Variants in ANKRA2 observed in about 807,000 individuals in gnomAD.
The protein encoded by ANKRA2 is ankyrin repeat family A member 2.
In ANKRA2, 33 loss-of-function variants were observed where a neutral mutation model predicts 37.8. The ratio of observed to expected loss-of-function variants is 0.87; its 90% CI spans 0.66 to 1.17. The LOEUF (loss-of-function observed/expected upper bound fraction) is 1.17, where lower values mean the gene tolerates loss of function less well. ANKRA2 is among the 50% of genes most tolerant of loss of function. ANKRA2 has a pLI of 0.00. For missense variants in ANKRA2, 326 were observed against 373.7 expected (o/e 0.87, Z 1.05); for synonymous variants, 126 against 132.3 (o/e 0.95, Z 0.33).
At chr5:73,557,433 T>TTA in intron 4 of ANKRA2, 142 bp downstream of exon 4, 1 of 269,094 alleles carries the variant, frequency 3.7e-6, no homozygotes, top group East Asian at 5.6e-5. Context: ...TTTTTTTTTT[T>TTA]ACTATCCATT....
rs1444629515 is a variant in ANKRA2 at position 73,555,157 on chromosome 5, C to T, written c.613-171G>A. 2.8e-6 allele frequency: 4 copies of T among 1,422,332 alleles called. No individual in the cohort carries two copies. In the African/African-American group the frequency reaches 4.3e-5, roughly 15 times the overall value. The allele number at this position is 1,422,332 out of a possible 1,614,324, so 88.1% of individuals were successfully genotyped here. A position where few individuals can be genotyped will look rare whatever the true frequency, so the allele number is the denominator to read the frequency against. ...TGCTTTTATTGAGATTGCCTGGATG[C>T]CTTCCTTCCTCCGTCCTGTATCAAT... On this transcript the variant is annotated intron_variant, in intron 5 of 8. Coordinates refer to ENST00000296785, the MANE Select transcript of ANKRA2 (RefSeq NM_023039.5).
chr5:73,561,383 G>C, intron 2 of ANKRA2, 95 bp from the exon 3 acceptor site: 1 of 1,166,656 alleles, frequency 8.6e-7, no homozygotes, highest in Non-Finnish European at 1.2e-6. Context: ...AGGTGTAATA[G>C]CTTCAATTAA....
In ANKRA2 at chr5:73,562,830, ACT is replaced by A; in HGVS notation, c.50_51del (p.Glu17ValfsTer6). 1 of 1,613,478 alleles carries A rather than the reference ACT, an allele frequency of 6.2e-7. No homozygotes were observed. The highest frequency in any genetic ancestry group is 8.5e-7 in the Non-Finnish European group (1 of 1,179,634). ...CCAGTTAGGCTATAAGTGCTGGGAC[ACT>A]CTTCCACGATAAGCTGGGCTCCAAT... The part of the protein sequence containing the change: ...LDIGAQLIVE[E>X]CPSTYSLTGM... On this transcript the variant is annotated frameshift_variant, in exon 2 of 9. Transcript: ENST00000296785. LOFTEE classifies it high-confidence loss of function.
At chr5:73,563,515 T>C (rs983987446) in intron 1 of ANKRA2, among the ~76,000 whole-genome samples, 7 of 152,238 alleles carry the variant, frequency 4.6e-5, no homozygotes, top group Non-Finnish European at 1.0e-4. Flanking sequence ...TTGTCATCTA[T>C]AACACCTGTG....
In ANKRA2 at chr5:73,552,832, G is replaced by A; in HGVS notation, c.907C>T (p.His303Tyr). The change falls in exon 9 of 9, where the codon CAT (histidine) becomes TAT (tyrosine). Residue 303 changes from histidine (H) to tyrosine (Y), a missense_variant. By Grantham distance (83) the His-to-Tyr change is moderately conservative. Transcript: ENST00000296785. Reference protein sequence around the residue: ...YRSVQQVIESHLLKLLQNIKE With the variant: ...YRSVQQVIESYLLKLLQNIKE ...ATATTTTGAAGCAGCTTCAACAAAT[G>A]TGACTCAATAACCTGTTGAACTAGA... The A allele has an allele frequency of 3.1e-6, 5 of 1,606,910 alleles. No individual in the cohort carries two copies. The highest frequency in any genetic ancestry group is 4.3e-6 in the Non-Finnish European group (5 of 1,174,336).
chr5:73,555,644 T>C, intron 4 of ANKRA2, 59 bp from the exon 5 acceptor site: 2 of 1,446,848 alleles, frequency 1.4e-6, no homozygotes, highest in South Asian at 1.2e-5. Context: ...TTAATATCAC[T>C]ATGAAAAACT....
chr5:73,553,654 T>C lies in ANKRA2; in HGVS notation c.806-168A>G, dbSNP rs137877119. ...GGTACTTAGAATTTACTTTAGTGGA[T>C]TGGAGGGAAGACACTTCAAACAAAC... On this transcript the variant is annotated intron_variant, in intron 7 of 8. Transcript: ENST00000296785. Among the ~76,000 whole-genome samples the C allele has an allele frequency of 7.3e-4, 111 of 152,292 alleles. 1 individual carries two copies. The East Asian group carries it at 0.014, about 19-fold the overall frequency.
chr5:73,553,985 G>C (rs1034627461), intron 7 of ANKRA2, among the ~76,000 whole-genome samples: 1 of 152,100 alleles, frequency 6.6e-6, no homozygotes, highest in South Asian at 2.1e-4. Flanking sequence ...TGGCCAGGCT[G>C]GTTTGAACTC....
At position 73,565,576 on chromosome 5, in the gene ANKRA2, C is replaced by T. The variant is rs867533685; in HGVS notation, c.-549G>A. 3.8e-6 allele frequency: 1 copy of T among 263,098 alleles called. No homozygotes were observed. Among genetic ancestry groups the T allele is most frequent in the Middle Eastern group, 1.3e-3 (1 of 760 alleles). The allele number at this position is 263,098 out of a possible 1,614,324, so 16.3% of individuals were successfully genotyped here. A position where few individuals can be genotyped will look rare whatever the true frequency, so the allele number is the denominator to read the frequency against. ...CCTTTACGCTCCGAGGCCCATCCTG[C>T]CGGAGTACTACACAGACAGGGTCAT... On this transcript the variant is annotated 5_prime_UTR_variant, in exon 1 of 9. Transcript: ENST00000296785.
Position 73,565,293 on chromosome 5 carries a change from A to C in ANKRA2, c.-266T>G, listed in dbSNP as rs1255821685. The C allele has an allele frequency of 6.5e-6, 1 of 152,724 alleles. No individual in the cohort carries two copies. Among genetic ancestry groups the C allele is most frequent in the Non-Finnish European group, 1.5e-5 (1 of 68,258 alleles). The allele number at this position is 152,724 out of a possible 1,614,324, so 9.5% of individuals were successfully genotyped here. The stretch of plus-strand genomic sequence containing the variant: ...CATCCGCGGCGAGCGGATCCCGGGC[A>C]CAGGGGCTGGAGGCCGACCCGGTGA... On this transcript the variant is annotated 5_prime_UTR_variant, in exon 1 of 9. Coordinates refer to ENST00000296785, the MANE Select transcript of ANKRA2 (RefSeq NM_023039.5).
At chr5:73,554,580 T>C in intron 6 of ANKRA2, 192 bp from the exon 7 acceptor site, 1 of 557,384 alleles carries the variant, frequency 1.8e-6, no homozygotes, top group Non-Finnish European at 3.1e-6. Context: ...TGTAGCTAAT[T>C]AATTATTCTT....
At chr5:73,555,465 A>G (rs377354917) in intron 5 of ANKRA2, 23 bp downstream of exon 5, 2 of 1,611,822 alleles carry the variant, frequency 1.2e-6, no homozygotes, top group Non-Finnish European at 1.7e-6. Context: ...ATACATATAC[A>G]TTTTCTGAGG....
chr5:73,557,719 C>A, intron 3 of ANKRA2, 79 bp from the exon 4 acceptor site: 1 of 995,180 alleles, frequency 1.0e-6, no homozygotes. Flanking sequence ...GTTTGTGTCA[C>A]CAATTTTCTT....
intron 2 of ANKRA2, among the ~76,000 whole-genome samples, chr5:73,561,658 T>C (rs1314585028): frequency 6.6e-6 from 1 of 151,848 alleles, no homozygotes; most frequent in Non-Finnish European, 1.5e-5. Flanking sequence ...TCCCAGCTAC[T>C]CGGGAGGCTG....
intron 2 of ANKRA2, among the ~76,000 whole-genome samples, chr5:73,561,805 C>A (rs1399720028): frequency 2.0e-5 from 3 of 151,730 alleles, no homozygotes; most frequent in African/African-American, 7.3e-5. Flanking sequence ...AGTGAAAGTT[C>A]TGGAAGAAAA....
intron 8 of ANKRA2, 36 bp from the exon 9 acceptor site, chr5:73,552,888 G>A: frequency 6.6e-7 from 1 of 1,503,876 alleles, no homozygotes; most frequent in Non-Finnish European, 9.1e-7. Context: ...ACAGCACAGT[G>A]ACTATAAAAT....
intron 3 of ANKRA2, among the ~76,000 whole-genome samples, chr5:73,558,279 C>T (rs1385486292): frequency 6.6e-6 from 1 of 151,898 alleles, no homozygotes; most frequent in Non-Finnish European, 1.5e-5. Context: ...ATGCCTCAGC[C>T]TTTTTTAAAA....
chr5:73,562,296 C>A (rs1307057614), intron 2 of ANKRA2, among the ~76,000 whole-genome samples: 1 of 152,128 alleles, frequency 6.6e-6, no homozygotes, highest in Non-Finnish European at 1.5e-5. Context: ...GGATTACAGG[C>A]ATGAGCCACT....
chr5:73,554,935 C>T lies in ANKRA2; in HGVS notation c.664G>A (p.Ala222Thr). Reference protein sequence around the residue: ...GKGRESALSLACSKGYTDIVK... With the variant: ...GKGRESALSLTCSKGYTDIVK... The stretch of plus-strand genomic sequence containing the variant: ...ATATCTGTGTAGCCTTTACTACAGG[C>T]CAACGACAGTGCACTTTCTCGACCT... Residue 222 changes from alanine (A) to threonine (T), a missense_variant, in exon 6 of 9, where the codon GCC (alanine) becomes ACC (threonine). This residue lies in a region of ANKRA2 where 228 missense variants were observed against 260.2 expected (regional missense o/e 0.88). Coordinates refer to ENST00000296785, the MANE Select transcript of ANKRA2 (RefSeq NM_023039.5). 6.2e-7 allele frequency: 1 copy of T among 1,613,702 alleles called. No individual in the cohort carries two copies. The highest frequency in any genetic ancestry group is 1.1e-5 in the South Asian group (1 of 91,046).
Sources: allele counts gnomAD v4.1 joint callset (sites outside exome capture counted in the v4.1 genomes callset), GRCh38; gene constraint gnomAD v4.1.1; regional missense constraint gnomAD v4.1.1; transcripts MANE v1.5; gene names NCBI Gene and HGNC (gene_info 2026-07-23, HGNC 2026-07-21).